Variants in MRPS27 observed in about 807,000 individuals in gnomAD.
MRPS27 encodes small ribosomal subunit protein mS27.
Under a neutral mutation model 48.9 loss-of-function variants are expected in MRPS27, and 43 were observed. The observed-to-expected ratio is 0.88, with a 90% confidence interval of 0.69 to 1.13. MRPS27 has a LOEUF of 1.13. Among genes scored for constraint, MRPS27 ranks in the 50% most tolerant of loss-of-function variants. MRPS27 has a pLI of 0.00. For missense variants in MRPS27, 467 were observed against 476.3 expected, an observed-to-expected ratio of 0.98 and a Z score of 0.18; for synonymous variants, 188 against 171.9, an observed-to-expected ratio of 1.09 and a Z score of -0.73.
chr5:72,235,521 C>T (rs1748178383), intron 5 of MRPS27, among the ~76,000 whole-genome samples: 1 of 152,128 alleles, frequency 6.6e-6, no homozygotes, highest in Admixed American at 6.6e-5. Context: ...AACGGTTTGT[C>T]AACGTAAGTT....
At chr5:72,253,280 T>C (rs1580072641) in intron 4 of MRPS27, among the ~76,000 whole-genome samples, 1 of 152,332 alleles carries the variant, frequency 6.6e-6, no homozygotes, top group East Asian at 1.9e-4. Context: ...CCCTTTACTG[T>C]CATATCTATG....
chr5:72,232,628 T>C (rs976345165), intron 6 of MRPS27, 70 bp from the exon 7 acceptor site: 3 of 1,082,650 alleles, frequency 2.8e-6, no homozygotes, highest in Non-Finnish European at 4.1e-6. Flanking sequence ...TCTATTTAAC[T>C]ATAAACACTC....
At chr5:72,239,305 G>T (rs2111963248) in intron 4 of MRPS27, among the ~76,000 whole-genome samples, 1 of 152,222 alleles carries the variant, frequency 6.6e-6, no homozygotes, top group South Asian at 2.1e-4. Flanking sequence ...CCAAAGTAAT[G>T]GTTAAGAAAA....
intron 4 of MRPS27, among the ~76,000 whole-genome samples, chr5:72,244,171 C>T (rs1748443928): frequency 6.6e-6 from 1 of 151,916 alleles, no homozygotes; most frequent in African/African-American, 2.4e-5. Flanking sequence ...GTCATTAGAC[C>T]TTCTGGAATC....
intron 4 of MRPS27, among the ~76,000 whole-genome samples, chr5:72,274,568 T>C (rs1749325720): frequency 6.6e-6 from 1 of 152,192 alleles, no homozygotes; most frequent in South Asian, 2.1e-4. Context: ...GAAAGTTAAC[T>C]TTCTTTTTCA....
At chr5:72,317,623 C>T (rs374684297) in intron 1 of MRPS27, among the ~76,000 whole-genome samples, 180 of 152,250 alleles carry the variant, frequency 1.2e-3, no homozygotes, top group African/African-American at 4.1e-3. Flanking sequence ...GGTGATCCAC[C>T]CACCTCAGCC....
At chr5:72,226,908 TG>T (rs1340342525) in intron 8 of MRPS27, 1 of 152,256 alleles carries the variant, frequency 6.6e-6, no homozygotes, top group Admixed American at 6.5e-5. Flanking sequence ...GCACAGAACC[TG>T]GCTGCACTAA....
chr5:72,284,866 A>C (rs1334506176), intron 4 of MRPS27, among the ~76,000 whole-genome samples: 1 of 152,196 alleles, frequency 6.6e-6, no homozygotes, highest in Non-Finnish European at 1.5e-5. Context: ...ACAGTATTCC[A>C]CTGTACAGCT....
At chr5:72,299,059 G>A (rs1032525459) in intron 2 of MRPS27, among the ~76,000 whole-genome samples, 6 of 152,114 alleles carry the variant, frequency 3.9e-5, no homozygotes, top group African/African-American at 1.2e-4. Context: ...ACAAGTGGGT[G>A]GTAAGCACTG....
chr5:72,238,430 T>A (rs1330202057), intron 4 of MRPS27, among the ~76,000 whole-genome samples: 1 of 152,194 alleles, frequency 6.6e-6, no homozygotes, highest in African/African-American at 2.4e-5. Context: ...ACTCTACTAA[T>A]CATGGCATTA....
intron 4 of MRPS27, among the ~76,000 whole-genome samples, chr5:72,255,574 AAAT>A (rs1431323671): frequency 1.3e-5 from 2 of 152,218 alleles, no homozygotes; most frequent in Non-Finnish European, 2.9e-5. Context: ...TTCAATAATA[AAAT>A]AAGCACTTCA....
intron 4 of MRPS27, among the ~76,000 whole-genome samples, chr5:72,251,156 C>T (rs1200627974): frequency 1.3e-5 from 2 of 152,148 alleles, no homozygotes; most frequent in Non-Finnish European, 2.9e-5. Flanking sequence ...ACTTGCAGAG[C>T]GCTGGGTACC....
chr5:72,222,262 A>C (rs531349476), intron 10 of MRPS27, among the ~76,000 whole-genome samples: 1 of 152,354 alleles, frequency 6.6e-6, no homozygotes, highest in South Asian at 2.1e-4. Flanking sequence ...ACAGCTTGGG[A>C]CACCAGAATG....
At chr5:72,263,097 T>C (rs1749025189) in intron 4 of MRPS27, among the ~76,000 whole-genome samples, 2 of 152,202 alleles carry the variant, frequency 1.3e-5, no homozygotes, top group Admixed American at 6.5e-5. Flanking sequence ...TTCATGGTTA[T>C]GGAAGGCAAA....
intron 7 of MRPS27, among the ~76,000 whole-genome samples, chr5:72,230,688 T>C (rs1748036816): frequency 6.6e-6 from 1 of 152,136 alleles, no homozygotes; most frequent in African/African-American, 2.4e-5. Context: ...AGCCCCCAGT[T>C]CCTTGGTGAA....
intron 4 of MRPS27, among the ~76,000 whole-genome samples, chr5:72,268,127 C>T (rs908234576): frequency 6.6e-6 from 1 of 152,028 alleles, no homozygotes; most frequent in Admixed American, 6.6e-5. Context: ...GAGTTGAAAG[C>T]TAACTTTGTT....
At chr5:72,293,412 A>T (rs957275779) in intron 4 of MRPS27, among the ~76,000 whole-genome samples, 2 of 152,216 alleles carry the variant, frequency 1.3e-5, no homozygotes, top group Non-Finnish European at 2.9e-5. Context: ...AAAGCAAAAA[A>T]TGGGATGTCC....
Position 72,254,027 on chromosome 5 carries a change from C to T in MRPS27, c.282-15899G>A, listed in dbSNP as rs531993198. Among the ~76,000 whole-genome samples the T allele has an allele frequency of 5.0e-4, 76 of 152,330 alleles. No homozygotes were observed. The South Asian group carries it at 0.011, about 22-fold the overall frequency. On this transcript the variant is annotated intron_variant, in intron 4 of 10. Coordinates refer to ENST00000261413, the MANE Select transcript of MRPS27 (RefSeq NM_015084.3). ...CTCCTGGGCTCAAGCAGTCCTCCTG[C>T]CTCAGCCTCCCAAGTAGCGAGGACT...
chr5:72,259,801 T>C (rs1299043695), intron 4 of MRPS27, among the ~76,000 whole-genome samples: 1 of 152,240 alleles, frequency 6.6e-6, no homozygotes, highest in African/African-American at 2.4e-5. Context: ...CCTTTAAAAA[T>C]GTGCCAATTT....
Sources: gnomAD v4.1 joint callset for allele counts (sites outside exome capture counted in the v4.1 genomes callset) on GRCh38, gnomAD v4.1.1 for gene constraint, MANE v1.5 for transcripts, NCBI Gene and HGNC (gene_info 2026-07-23, HGNC 2026-07-21) for gene names.